The following CDH13 variants were observed in gnomAD, a reference collection of about 807,000 sequenced individuals.
The protein encoded by CDH13 is cadherin-13.
Under a neutral mutation model 63.8 loss-of-function variants are expected in CDH13, and 24 were observed. The ratio of observed to expected loss-of-function variants is 0.38; its 90% confidence interval spans 0.27 to 0.53. The LOEUF is 0.53. Among genes scored for constraint, CDH13 ranks in the 20% least tolerant of loss-of-function variants. The pLI is 0.85. For synonymous variants in CDH13, 503 were observed against 355.3 expected, an observed-to-expected ratio of 1.42 and a Z score of -4.67; for missense variants, 1,049 against 903.1, an observed-to-expected ratio of 1.16 and a Z score of -2.07.
At chr16:83,352,231 G>A (rs1258600136) in intron 6 of CDH13, among the ~76,000 whole-genome samples, 1 of 152,132 alleles carries the variant, frequency 6.6e-6, no homozygotes. Context: ...TGAAAGAGTT[G>A]CATAATCCAA....
intron 6 of CDH13, among the ~76,000 whole-genome samples, chr16:83,351,693 C>G (rs948131143): frequency 6.6e-6 from 1 of 152,220 alleles, no homozygotes; most frequent in Non-Finnish European, 1.5e-5. Flanking sequence ...GAGCTCATCT[C>G]TTCCCATGTT....
At chr16:83,279,675 C>T (rs975036042) in intron 5 of CDH13, among the ~76,000 whole-genome samples, 1 of 152,146 alleles carries the variant, frequency 6.6e-6, no homozygotes, top group Non-Finnish European at 1.5e-5. Context: ...TTAGCTTCCT[C>T]TCTCACAACA....
intron 5 of CDH13, among the ~76,000 whole-genome samples, chr16:83,275,423 G>T (rs925804799): frequency 6.6e-6 from 1 of 152,190 alleles, no homozygotes; most frequent in Admixed American, 6.5e-5. Context: ...TTCAGACAGT[G>T]AGCACAGAGC....
At chr16:82,648,914 A>G (rs1910413131) in intron 1 of CDH13, among the ~76,000 whole-genome samples, 2 of 152,240 alleles carry the variant, frequency 1.3e-5, no homozygotes, top group African/African-American at 2.4e-5. Context: ...TGAGAAGTCC[A>G]GCTTGAAAGC....
chr16:83,452,349 G>A (rs2072907687), intron 6 of CDH13, among the ~76,000 whole-genome samples: 1 of 76,092 alleles, frequency 1.3e-5, no homozygotes, highest in Admixed American at 1.7e-4. Flanking sequence ...TCACTCATTT[G>A]TTCAGCAAGT....
rs185727507 is a variant in CDH13, at chr16:83,132,106, T to C, written c.483+6605T>C. ...CCAAGGAGTCTGATAGTCTTGGAAT[T>C]TAATTTGTTTTATTCTATTTAATAG... On this transcript the variant is annotated intron_variant, in intron 4 of 13. Coordinates refer to ENST00000567109, the MANE Select transcript of CDH13 (RefSeq NM_001257.5). Among the ~76,000 whole-genome samples the C allele has an allele frequency of 2.4e-3, 359 of 152,214 alleles. 1 individual carries two copies. Among genetic ancestry groups the C allele is most frequent in the African/African-American group, 8.3e-3 (346 of 41,540 alleles).
At chr16:82,651,226 G>C (rs1223462231) in intron 1 of CDH13, among the ~76,000 whole-genome samples, 1 of 152,160 alleles carries the variant, frequency 6.6e-6, no homozygotes, top group African/African-American at 2.4e-5. Context: ...CTTTTATTGA[G>C]CACTGTCTAC....
rs1043478418 is a variant in CDH13, at chr16:83,798,980, A to G, written c.*3950A>G. The G allele has an allele frequency of 6.6e-6, 1 of 152,154 alleles. No individual in the cohort carries two copies. The highest frequency in any genetic ancestry group is 6.5e-5 in the Admixed American group (1 of 15,274). 9.4% of individuals were successfully genotyped at this position (152,154 alleles called of 1,614,324 possible). A position where few individuals can be genotyped will look rare whatever the true frequency, so the allele number is the denominator to read the frequency against. ...TCCCTTCCATGGCTTGTTAGCAGGTAGATGAGGGGCTTCTCCTAGATTAAT... is the reference window on the plus strand; with the variant it reads ...TCCCTTCCATGGCTTGTTAGCAGGTGGATGAGGGGCTTCTCCTAGATTAAT... On this transcript the variant is annotated 3_prime_UTR_variant, in exon 14 of 14. Coordinates refer to ENST00000567109, the MANE Select transcript of CDH13 (RefSeq NM_001257.5).
At chr16:83,389,174 TAAAG>T (rs778021903) in intron 6 of CDH13, among the ~76,000 whole-genome samples, 1 of 152,218 alleles carries the variant, frequency 6.6e-6, no homozygotes, top group Non-Finnish European at 1.5e-5. Context: ...ATTTTTTAAT[TAAAG>T]AAACATAATT....
chr16:83,229,957 G>T (rs2039956229), intron 5 of CDH13, among the ~76,000 whole-genome samples: 1 of 152,248 alleles, frequency 6.6e-6, no homozygotes, highest in African/African-American at 2.4e-5. Flanking sequence ...CGTGTGACTG[G>T]ATAGTCAGTG....
chr16:82,969,230 T>C (rs1011590816), intron 2 of CDH13, among the ~76,000 whole-genome samples: 3 of 152,198 alleles, frequency 2.0e-5, no homozygotes, highest in Non-Finnish European at 4.4e-5. Context: ...GCTTTGTAGG[T>C]GATATAGTTT....
intron 3 of CDH13, among the ~76,000 whole-genome samples, chr16:83,062,065 T>TA (rs2031603488): frequency 6.6e-6 from 1 of 152,190 alleles, no homozygotes; most frequent in Non-Finnish European, 1.5e-5. Context: ...GGCTGAGGCT[T>TA]TAGAACCAGA....
chr16:82,956,408 A>T (rs546152429), intron 2 of CDH13, among the ~76,000 whole-genome samples: 1 of 151,822 alleles, frequency 6.6e-6, no homozygotes, highest in Non-Finnish European at 1.5e-5. Context: ...TCAAGCTCAG[A>T]TGTATCCTGC....
At chr16:82,627,335 TGC>T (rs1284396416) in intron 1 of CDH13, among the ~76,000 whole-genome samples, 198 bp downstream of exon 1, 3 of 90,372 alleles carry the variant, frequency 3.3e-5, no homozygotes, top group South Asian at 4.2e-4. Flanking sequence ...CACTCTGGCG[TGC>T]GTGTGTGTGT....
chr16:83,607,474 CA>C (rs1170473027), intron 8 of CDH13, among the ~76,000 whole-genome samples: 2 of 152,150 alleles, frequency 1.3e-5, no homozygotes, highest in Non-Finnish European at 2.9e-5. Flanking sequence ...TGTTCATTTA[CA>C]ATGACTATAC....
chr16:83,422,597 G>A lies in CDH13; in HGVS notation c.782-63880G>A, dbSNP rs532716548. Reference sequence around the variant, plus strand: ...GTCTGGTTCAAAAATTGCAGTTCTTGAGGTCTGTTAATTCCTTCTAAAATG... The same window carrying A: ...GTCTGGTTCAAAAATTGCAGTTCTTAAGGTCTGTTAATTCCTTCTAAAATG... On this transcript the variant is annotated intron_variant, in intron 6 of 13. Coordinates refer to ENST00000567109, the MANE Select transcript of CDH13 (RefSeq NM_001257.5). 2.6e-5 allele frequency among the ~76,000 whole-genome samples: 4 copies of A among 152,256 alleles called. No homozygotes were observed. The South Asian group carries it at 8.3e-4, about 32-fold the overall frequency.
chr16:83,098,875 C>T (rs1219750553), intron 3 of CDH13, among the ~76,000 whole-genome samples: 1 of 152,094 alleles, frequency 6.6e-6, no homozygotes, highest in Non-Finnish European at 1.5e-5. Flanking sequence ...GATAAGACGT[C>T]AATGCTGGGA....
intron 10 of CDH13, among the ~76,000 whole-genome samples, chr16:83,741,281 T>G (rs1270778672): frequency 6.6e-6 from 1 of 152,184 alleles, no homozygotes; most frequent in African/African-American, 2.4e-5. Flanking sequence ...GGTTCTGCTT[T>G]TAATAATAAA....
chr16:83,271,189 G>A (rs928352058), intron 5 of CDH13, among the ~76,000 whole-genome samples: 1 of 151,716 alleles, frequency 6.6e-6, no homozygotes. Context: ...ATCCCCAGAA[G>A]CTCCTCAAAG....
Sources: allele counts gnomAD v4.1 joint callset (sites outside exome capture counted in the v4.1 genomes callset), GRCh38; gene constraint gnomAD v4.1.1; transcripts MANE v1.5; gene names NCBI Gene and HGNC (gene_info 2026-07-23, HGNC 2026-07-21).